PIDD1: variants seen among roughly 807,000 people sequenced by gnomAD.
PIDD1 encodes p53-induced death domain protein 1, also known as p53-induced death domain-containing protein 1.
Under a neutral mutation model 80.0 loss-of-function variants are expected in PIDD1, and 72 were observed. The observed-to-expected ratio is 0.90, with a 90% CI of 0.74 to 1.09. The LOEUF is 1.09. Among genes scored for constraint, PIDD1 ranks in the 50% least tolerant of loss-of-function variants. The pLI, the probability that PIDD1 is intolerant of heterozygous loss-of-function variation, is 0.00. For missense variants in PIDD1, 1,329 were observed against 1,228.3 expected (o/e 1.08, Z -1.23); for synonymous variants, 655 against 543.5 (o/e 1.21, Z -2.85).
chr11:803,088 G>A, intron 3 of PIDD1, 86 bp downstream of exon 3: 16 of 1,093,360 alleles, frequency 1.5e-5, no homozygotes, highest in Non-Finnish European at 2.1e-5. Context: ...GACCAAGCCT[G>A]TGGGTGCAGA....
rs1038015693 is a variant in PIDD1 at position 799,566 on chromosome 11, C to T, written c.2475-1G>A. On this transcript the variant is annotated splice_acceptor_variant, in intron 15 of 15. Transcript: ENST00000347755. LOFTEE classifies it high-confidence loss of function. ...ACGGATCTGCTCATCCAGATCATCCCTGCAGGCAGAGGATGGGCGACAGAG... is the reference window on the plus strand; with the variant it reads ...ACGGATCTGCTCATCCAGATCATCCTTGCAGGCAGAGGATGGGCGACAGAG... The T allele has an allele frequency of 5.0e-6, 8 of 1,592,854 alleles. No homozygotes were observed. The highest frequency in any genetic ancestry group is 6.8e-6 in the Non-Finnish European group (8 of 1,173,726).
Position 804,212 on chromosome 11 carries a change from C to CTGCTGGACACACAGGTGCAGCAGCTGA in PIDD1, c.176_177insTCAGCTGCTGCACCTGTGTGTCCAGCA (p.Leu62_Gln63insHisLeuCysValGlnGlnGlnLeuLeu), listed in dbSNP as rs1865609780. 6.2e-7 allele frequency: 1 copy of CTGCTGGACACACAGGTGCAGCAGCTGA among 1,612,754 alleles called. No homozygotes were observed. Among genetic ancestry groups the CTGCTGGACACACAGGTGCAGCAGCTGA allele is most frequent in the Non-Finnish European group, 8.5e-7 (1 of 1,179,770 alleles). On this transcript the variant is annotated inframe_insertion, in exon 2 of 16. Coordinates refer to ENST00000347755, the MANE Select transcript of PIDD1 (RefSeq NM_145886.4). ...GCAAGAATTCCACCTGCAGCAGCTG[C>CTGCTGGACACACAGGTGCAGCAGCTGA]AGAGGCTGCTGGACACACAGGTGCA... is the stretch of plus-strand genomic sequence containing the variant.
rs1565051003 is a variant in PIDD1 at position 800,111 on chromosome 11, C to T, written c.2274+20G>A. On this transcript the variant is annotated intron_variant, in intron 14 of 15. Transcript: ENST00000347755. ...TGGGCCTCGGTCCTGCCCCGCCCCT[C>T]TGCTGTCCCTCAGTCCCACCGGCAG... 6.8e-6 allele frequency: 11 copies of T among 1,608,430 alleles called. No individual in the cohort carries two copies. The highest frequency in any genetic ancestry group is 4.5e-5 in the East Asian group (2 of 44,762).
At chr11:807,201 A>C (rs1160157337), upstream of PIDD1, among the ~76,000 whole-genome samples, 1 of 150,862 alleles carries the variant, frequency 6.6e-6, no homozygotes, top group Non-Finnish European at 1.5e-5. Flanking sequence ...AAAAAAAAAA[A>C]AAAAACAGGC....
In PIDD1 at chr11:801,499, G is replaced by A. The variant is rs144623566; in HGVS notation, c.1428C>T (p.Val476=). ...TGGCCCCAGGGGGGAAGATGACTTT[G>A]ACCCCAGGATGACCCGAGGAGCACA... ...TLLCSSGHPG[V]KVIFPPGATE... The change falls in exon 8 of 16, where the codon GTC becomes GTT. Residue 476 remains valine, a synonymous_variant. Coordinates refer to ENST00000347755, the MANE Select transcript of PIDD1 (RefSeq NM_145886.4). The A allele has an allele frequency of 4.6e-5, 72 of 1,550,020 alleles. No individual in the cohort carries two copies. The highest frequency in any genetic ancestry group is 5.9e-5 in the Non-Finnish European group (68 of 1,146,014).
At chr11:801,409 C>A in intron 8 of PIDD1, 36 bp downstream of exon 8, 1 of 1,576,814 alleles carries the variant, frequency 6.3e-7, no homozygotes, top group Non-Finnish European at 8.6e-7. Flanking sequence ...TGGGCTGAGG[C>A]GCGGCCTGCC....
rs778909653 is a variant in PIDD1 at position 801,507 on chromosome 11, G to A, written c.1420C>T (p.Pro474Ser). Reference sequence around the variant, plus strand: ...GGGGGGAAGATGACTTTGACCCCAGGATGACCCGAGGAGCACAGCAGTGTC... The same window carrying A: ...GGGGGGAAGATGACTTTGACCCCAGAATGACCCGAGGAGCACAGCAGTGTC... ...EGTLLCSSGH[P>S]GVKVIFPPGA... Residue 474 changes from proline (P) to serine (S), a missense_variant, in exon 8 of 16, where the codon CCT (proline) becomes TCT (serine). Transcript: ENST00000347755. 1 of 1,552,794 alleles carries A rather than the reference G, an allele frequency of 6.4e-7. No individual in the cohort carries two copies. The highest frequency in any genetic ancestry group is 8.7e-7 in the Non-Finnish European group (1 of 1,147,518).
intron 3 of PIDD1, 34 bp downstream of exon 3, chr11:803,140 G>T: frequency 6.8e-7 from 1 of 1,466,154 alleles, no homozygotes; most frequent in Non-Finnish European, 9.3e-7. Flanking sequence ...ACCCTCCCGT[G>T]GGGCCAGTGT....
intron 12 of PIDD1, 41 bp downstream of exon 12, chr11:800,502 G>A: frequency 6.2e-7 from 1 of 1,609,912 alleles, no homozygotes; most frequent in Non-Finnish European, 8.5e-7. Context: ...GGACGGTAAG[G>A]CTCCCCCTCC....
chr11:803,977 G>A (rs1865587541), intron 2 of PIDD1, 117 bp downstream of exon 2: 2 of 1,147,556 alleles, frequency 1.7e-6, no homozygotes, highest in Admixed American at 2.7e-5. Flanking sequence ...CACACCTGGG[G>A]AGCCGGGAGG....
Position 802,848 on chromosome 11 carries a change from G to T in PIDD1, c.753C>A (p.Leu251=). 6.3e-7 allele frequency: 1 copy of T among 1,589,436 alleles called. No homozygotes were observed. Among genetic ancestry groups the T allele is most frequent in the Non-Finnish European group, 8.6e-7 (1 of 1,168,850 alleles). ...CCAAGTCAGCTGGCACAGAGGCCAG[G>T]AGGTTGCTGTGCAGGACAAGGAGCC... ...SLRLLVLHSN[L]LASVPADLAR... is the part of the protein sequence containing the mutation. The change falls in exon 4 of 16, where the codon CTC becomes CTA. Residue 251 remains leucine (L), a synonymous_variant. Transcript: ENST00000347755.
intron 10 of PIDD1, 32 bp from the exon 11 acceptor site, chr11:800,944 A>G (rs2133769266): frequency 1.3e-6 from 2 of 1,579,984 alleles, no homozygotes; most frequent in South Asian, 1.1e-5. Flanking sequence ...AGGGCTGTAC[A>G]GACTGGGGGA....
Position 800,149 on chromosome 11 carries a change from A to T in PIDD1, c.2256T>A (p.Thr752=), listed in dbSNP as rs765357677. Residue 752 remains threonine (T), a synonymous_variant, in exon 14 of 16, where the codon ACT becomes ACA. Transcript: ENST00000347755. The part of the protein sequence containing the change: ...RKGADALWMA[T]LPIKLPRLRG... ...GTCCCACCGGCAGCTTGATGGGCAG[A>T]GTGGCCATCCACAGGGCGTCTGCGC... 6.2e-7 allele frequency: 1 copy of T among 1,610,498 alleles called. No homozygotes were observed.
At chr11:806,685 C>T (rs1865788671), upstream of PIDD1, among the ~76,000 whole-genome samples, 1 of 152,018 alleles carries the variant, frequency 6.6e-6, no homozygotes, top group Admixed American at 6.6e-5. Flanking sequence ...AGGGTTCACA[C>T]CGTTCTCCTG....
At chr11:805,353 T>C, upstream of PIDD1, 1 of 456,512 alleles carries the variant, frequency 2.2e-6, no homozygotes, top group Non-Finnish European at 2.9e-6. Flanking sequence ...TCCCGGCTCC[T>C]CCCCGACCCG....
rs550315628 is a variant in PIDD1 at position 800,224 on chromosome 11, C to T, written c.2181G>A (p.Ala727=). The change falls in exon 14 of 16, where the codon GCG becomes GCA. Residue 727 remains alanine (A), a synonymous_variant. Transcript: ENST00000347755. Reference sequence around the variant, plus strand: ...CCTCCTCGGGCACCCGCACAGGCACCGCGCCACGGTAGAAGGACACCTGAA... The same window carrying T: ...CCTCCTCGGGCACCCGCACAGGCACTGCGCCACGGTAGAAGGACACCTGAA... The part of the protein sequence containing the change: ...VRGQVSFYRG[A]VPVRVPEEAE... 59 of 1,609,894 alleles carry T rather than the reference C, an allele frequency of 3.7e-5. 1 individual carries two copies. In the South Asian group the frequency reaches 4.7e-4, roughly 13 times the overall value.
chr11:805,146 C>T, intron 1 of PIDD1, 33 bp downstream of exon 1: 1 of 947,654 alleles, frequency 1.1e-6, no homozygotes, highest in Non-Finnish European at 1.3e-6. Context: ...CGTGTCCCCG[C>T]CGCCCCCTCC....
intron 2 of PIDD1, 80 bp downstream of exon 2, chr11:804,014 G>T: frequency 1.4e-6 from 2 of 1,456,640 alleles, no homozygotes; most frequent in East Asian, 2.4e-5. Context: ...GGCTGGGACT[G>T]GGGTTTGCCT....
In PIDD1 at chr11:802,544, T is replaced by A; in HGVS notation, c.973A>T (p.Ser325Cys). ...PRLFLTSDLDSFPVTPQGCSV... is the reference protein window; with the variant it reads ...PRLFLTSDLDCFPVTPQGCSV... Reference sequence around the variant, plus strand: ...CAGCCCCCTCAACCCACCCCATACCTGTCCAAATCTGAGGTCAGGAACAGT... The same window carrying A: ...CAGCCCCCTCAACCCACCCCATACCAGTCCAAATCTGAGGTCAGGAACAGT... The change falls in exon 5 of 16, where the codon AGC (serine) becomes TGC (cysteine). Residue 325 changes from serine to cysteine, a missense_variant and splice_region_variant. Coordinates refer to ENST00000347755, the MANE Select transcript of PIDD1 (RefSeq NM_145886.4). 1 of 1,613,234 alleles carries A rather than the reference T, an allele frequency of 6.2e-7. No individual in the cohort carries two copies. The highest frequency in any genetic ancestry group is 1.1e-5 in the South Asian group (1 of 90,972).
Sources: allele counts gnomAD v4.1 joint callset (sites outside exome capture counted in the v4.1 genomes callset), GRCh38; gene constraint gnomAD v4.1.1; transcripts MANE v1.5; gene names NCBI Gene and HGNC (gene_info 2026-07-23, HGNC 2026-07-21).